AHRR: variants seen among roughly 807,000 people sequenced by gnomAD.
AHRR encodes the protein aryl hydrocarbon receptor repressor.
A neutral mutation model predicts 44.0 loss-of-function variants in AHRR; 28 were observed. The ratio of observed to expected loss-of-function variants is 0.64; its 90% CI spans 0.47 to 0.87. The LOEUF (loss-of-function observed/expected upper bound fraction) is 0.87. Ranked by LOEUF, AHRR falls within the 40% of genes least tolerant of loss-of-function variation. The pLI is 0.00. For missense variants in AHRR, 990 were observed against 953.9 expected (o/e 1.04, Z -0.50); for synonymous variants, 434 against 407.0 (o/e 1.07, Z -0.80).
chr5:396,044 G>A (rs1015382026), intron 4 of AHRR, among the ~76,000 whole-genome samples: 2 of 152,216 alleles, frequency 1.3e-5, no homozygotes, highest in Non-Finnish European at 2.9e-5. Context: ...GGAGCACAAA[G>A]TGGGGGTACC....
At chr5:345,182 ATGTGTG>A (rs370649210) in intron 2 of AHRR, among the ~76,000 whole-genome samples, 152 of 860 alleles carry the variant, frequency 0.18, 34 homozygotes, top group South Asian at 0.25. Context: ...GTGTGTGGGG[ATGTGTG>A]TGTGTGTGTG....
At chr5:378,887 G>A (rs747826537) in intron 4 of AHRR, among the ~76,000 whole-genome samples, 2 of 152,186 alleles carry the variant, frequency 1.3e-5, no homozygotes, top group African/African-American at 2.4e-5. Flanking sequence ...GAATTCAAGT[G>A]TATGGTTACT....
chr5:413,730 G>C (rs1211446452), intron 5 of AHRR, among the ~76,000 whole-genome samples: 3 of 152,150 alleles, frequency 2.0e-5, no homozygotes, highest in Admixed American at 6.5e-5. Flanking sequence ...TAGGTCCCCT[G>C]CCCCACCAGC....
chr5:422,949 T>G, intron 6 of AHRR, 91 bp downstream of exon 6: 1 of 1,457,128 alleles, frequency 6.9e-7, no homozygotes, highest in Non-Finnish European at 9.1e-7. Context: ...TCGCACCTTC[T>G]TGGTGTGCTT....
At chr5:376,235 A>G (rs1356099034) in intron 3 of AHRR, among the ~76,000 whole-genome samples, 1 of 150,846 alleles carries the variant, frequency 6.6e-6, no homozygotes, top group Non-Finnish European at 1.5e-5. Context: ...CTTCAGGGGG[A>G]TCTGGCAGGA....
chr5:375,975 G>C (rs1204258473), intron 3 of AHRR, among the ~76,000 whole-genome samples: 1 of 123,684 alleles, frequency 8.1e-6, no homozygotes, highest in Non-Finnish European at 1.6e-5. Flanking sequence ...GAAGGGGGTA[G>C]CACTGGCGAC....
At chr5:376,015 G>T (rs898432353) in intron 3 of AHRR, among the ~76,000 whole-genome samples, 1 of 111,512 alleles carries the variant, frequency 9.0e-6, no homozygotes, top group Admixed American at 8.2e-5. Flanking sequence ...CCTGCCCTGC[G>T]GTGTTCTGTG....
At chr5:401,722 C>T (rs1005896307) in intron 4 of AHRR, among the ~76,000 whole-genome samples, 6 of 152,196 alleles carry the variant, frequency 3.9e-5, no homozygotes, top group African/African-American at 1.2e-4. Context: ...TCTGAGTCAC[C>T]GTTTCTCCCA....
At chr5:336,207 T>C (rs895660623) in intron 1 of AHRR, among the ~76,000 whole-genome samples, 1 of 152,196 alleles carries the variant, frequency 6.6e-6, no homozygotes, top group Non-Finnish European at 1.5e-5. Flanking sequence ...GATTCTCCAG[T>C]GGGAAAGTGG....
Position 415,181 on chromosome 5 carries a change from C to T in AHRR, c.441+1748C>T, listed in dbSNP as rs1218631587. On this transcript the variant is annotated intron_variant, in intron 5 of 10. Transcript: ENST00000684583. ...TGTGACACTGCGGGGTGCACACCGG[C>T]CCCAGGGGAAGCCCTACCCCTGCAC... Among the ~76,000 whole-genome samples, 8 of 152,264 alleles carry T rather than the reference C, an allele frequency of 5.3e-5. No individual in the cohort carries two copies. The East Asian group carries it at 1.5e-3, about 29-fold the overall frequency.
intron 1 of AHRR, among the ~76,000 whole-genome samples, chr5:323,823 G>C (rs1210176672): frequency 6.6e-6 from 1 of 152,158 alleles, no homozygotes; most frequent in Non-Finnish European, 1.5e-5. Context: ...GGGGTGATCA[G>C]GCATTGAAGG....
At chr5:430,386 C>G (rs1736669758) in intron 8 of AHRR, among the ~76,000 whole-genome samples, 1 of 152,272 alleles carries the variant, frequency 6.6e-6, no homozygotes, top group Non-Finnish European at 1.5e-5. Flanking sequence ...ACTGAGCCCC[C>G]TCTGGGAGGA....
At chr5:379,271 C>T (rs578187076) in intron 4 of AHRR, among the ~76,000 whole-genome samples, 46 of 152,160 alleles carry the variant, frequency 3.0e-4, no homozygotes, top group Non-Finnish European at 6.2e-4. Context: ...CTGCGGGCCG[C>T]TGGTTTGTTT....
chr5:427,584 T>C (rs1285794457), intron 7 of AHRR: 2 of 1,603,490 alleles, frequency 1.2e-6, no homozygotes, highest in East Asian at 2.2e-5. Flanking sequence ...CCAGAGAAAC[T>C]GGGAGTGGGG....
intron 5 of AHRR, among the ~76,000 whole-genome samples, chr5:414,129 G>GGC (rs1735596138): frequency 2.0e-5 from 3 of 152,174 alleles, no homozygotes; most frequent in African/African-American, 7.2e-5. Context: ...TGGGTGTGGT[G>GGC]GCGTGCACCC....
chr5:341,766 C>G (rs1742358765), intron 1 of AHRR, among the ~76,000 whole-genome samples: 1 of 151,998 alleles, frequency 6.6e-6, no homozygotes, highest in South Asian at 2.1e-4. Context: ...TTGGGTTTAT[C>G]TTCTCTTCTA....
Position 434,481 on chromosome 5 carries a change from C to T in AHRR, c.1741C>T (p.Gln581Ter). The T allele has an allele frequency of 6.2e-7, 1 of 1,613,436 alleles. No individual in the cohort carries two copies. Among genetic ancestry groups the T allele is most frequent in the Non-Finnish European group, 8.5e-7 (1 of 1,180,018 alleles). ...GAAAACAGAGCCAGACTCTCGGCAA[C>T]AGGTGTACATCTCGCACCTGGGGCA... ...HLKTEPDSRQ[Q>*]VYISHLGHGV... Residue 581 changes from glutamine (Q) to a stop codon, truncating the protein, a stop_gained, in exon 11 of 11, where the codon CAG (glutamine) becomes TAG (stop). Transcript: ENST00000684583. LOFTEE classifies it low-confidence loss of function (END_TRUNC).
At chr5:390,446 A>G (rs1371098895) in intron 4 of AHRR, among the ~76,000 whole-genome samples, 1 of 152,264 alleles carries the variant, frequency 6.6e-6, no homozygotes, top group East Asian at 1.9e-4. Context: ...GTCGCTGCAG[A>G]AAGAAAATTC....
intron 1 of AHRR, among the ~76,000 whole-genome samples, chr5:335,601 G>T (rs992514317): frequency 6.6e-6 from 1 of 152,228 alleles, no homozygotes; most frequent in African/African-American, 2.4e-5. Flanking sequence ...GTGCCACTGG[G>T]TGATTTTCAG....
Sources: allele counts gnomAD v4.1 joint callset (sites outside exome capture counted in the v4.1 genomes callset), GRCh38; gene constraint gnomAD v4.1.1; transcripts MANE v1.5; gene names NCBI Gene and HGNC (gene_info 2026-07-23, HGNC 2026-07-21).